VPS13B: variants seen among roughly 807,000 people sequenced by gnomAD.
The protein encoded by VPS13B is intermembrane lipid transfer protein VPS13B.
VPS13B carries 285 observed loss-of-function variants against 426.4 expected under a neutral mutation model. The ratio of observed to expected loss-of-function variants is 0.67; its 90% confidence interval spans 0.61 to 0.74. VPS13B has a LOEUF of 0.74. VPS13B is among the 30% of genes least tolerant of loss of function. VPS13B has a pLI of 0.00. For missense variants in VPS13B, 4,537 were observed against 4,782.6 expected, an observed-to-expected ratio of 0.95 and a Z score of 1.51; for synonymous variants, 1,676 against 1,676.4, an observed-to-expected ratio of 1.00 and a Z score of 0.01.
intron 18 of VPS13B, 139 bp downstream of exon 18, chr8:99,274,471 T>C (rs1818790695): frequency 7.3e-7 from 1 of 1,377,028 alleles, no homozygotes; most frequent in Non-Finnish European, 1.0e-6. Context: ...CTTAGAAATT[T>C]TTCTAATTGT....
chr8:99,401,981 C>A (rs1050716379), intron 21 of VPS13B, among the ~76,000 whole-genome samples: 1 of 152,152 alleles, frequency 6.6e-6, no homozygotes, highest in Non-Finnish European at 1.5e-5. Context: ...GCCAGGAACA[C>A]CCTATGGGTG....
Position 99,577,476 on chromosome 8 carries a change from C to G in VPS13B, c.5077-14C>G. On this transcript the variant is annotated splice_polypyrimidine_tract_variant and intron_variant, in intron 32 of 61. Transcript: ENST00000357162. ...TCATGTTTCTTTATCTGTATTCTAC[C>G]GTTTTTGCTTCAGGAGATTTTAGTG... 6.2e-7 allele frequency: 1 copy of G among 1,613,402 alleles called. No homozygotes were observed. The highest frequency in any genetic ancestry group is 1.1e-5 in the South Asian group (1 of 91,052).
At chr8:99,702,607 A>G (rs1213963883) in intron 36 of VPS13B, among the ~76,000 whole-genome samples, 2 of 152,156 alleles carry the variant, frequency 1.3e-5, no homozygotes, top group Admixed American at 6.6e-5. Context: ...GAGAGAACAC[A>G]CTTGGGGTTT....
chr8:99,596,318 A>G (rs1827010657), intron 33 of VPS13B, among the ~76,000 whole-genome samples: 2 of 152,038 alleles, frequency 1.3e-5, no homozygotes. Context: ...CCAGATGGAA[A>G]TGGACAAGTT....
At chr8:99,597,550 C>T (rs974699746) in intron 33 of VPS13B, among the ~76,000 whole-genome samples, 3 of 151,974 alleles carry the variant, frequency 2.0e-5, no homozygotes, top group African/African-American at 7.2e-5. Flanking sequence ...AAGTGTTCTA[C>T]AGATTTCTGG....
chr8:99,314,780 G>A (rs1821218834), intron 19 of VPS13B, among the ~76,000 whole-genome samples: 1 of 152,112 alleles, frequency 6.6e-6, no homozygotes, highest in Admixed American at 6.6e-5. Context: ...AATGATATTT[G>A]CTTTATATAT....
Position 99,819,905 on chromosome 8 carries a change from G to A in VPS13B, c.8793-16G>A, listed in dbSNP as rs1454120026. Reference sequence around the variant, plus strand: ...TCATATTTCATTGAGTCTCTTGGATGTGGTTTTTGGAACAGGAATGAACAG... The same window carrying A: ...TCATATTTCATTGAGTCTCTTGGATATGGTTTTTGGAACAGGAATGAACAG... On this transcript the variant is annotated splice_polypyrimidine_tract_variant and intron_variant, in intron 48 of 61. Coordinates refer to ENST00000357162, the MANE Select transcript of VPS13B (RefSeq NM_152564.5). 1.1e-5 allele frequency: 18 copies of A among 1,613,466 alleles called. No individual in the cohort carries two copies. Among genetic ancestry groups the A allele is most frequent in the Non-Finnish European group, 1.5e-5 (18 of 1,179,598 alleles).
rs908764227 is a variant in VPS13B, at chr8:99,594,781, G to C, written c.5220+17148G>C. 1.8e-4 allele frequency among the ~76,000 whole-genome samples: 27 copies of C among 151,936 alleles called. 1 individual carries two copies. The East Asian group carries it at 3.3e-3, about 19-fold the overall frequency. ...AGTGAGATGCTTCTGTAAGCACTGG[G>C]GTTTTTTTCAGGTGGCAGACTAACA... is the stretch of plus-strand genomic sequence containing the variant. On this transcript the variant is annotated intron_variant, in intron 33 of 61. Coordinates refer to ENST00000357162, the MANE Select transcript of VPS13B (RefSeq NM_152564.5).
intron 19 of VPS13B, among the ~76,000 whole-genome samples, chr8:99,335,712 C>T (rs1440684855): frequency 6.6e-6 from 1 of 152,086 alleles, no homozygotes; most frequent in Non-Finnish European, 1.5e-5. Context: ...CATTCTTATA[C>T]ACCAATAACA....
chr8:99,786,556 A>C (rs1812275699), intron 43 of VPS13B, among the ~76,000 whole-genome samples: 1 of 152,150 alleles, frequency 6.6e-6, no homozygotes, highest in African/African-American at 2.4e-5. Flanking sequence ...TTCTTAGTCC[A>C]AGTATGAACC....
At chr8:99,262,946 AT>A (rs564533994) in intron 17 of VPS13B, among the ~76,000 whole-genome samples, 1 of 150,730 alleles carries the variant, frequency 6.6e-6, no homozygotes, top group East Asian at 1.9e-4. Flanking sequence ...CTAATTTTTT[AT>A]TTTTTTTTGT....
At chr8:99,808,692 A>G (rs1162737763) in intron 43 of VPS13B, among the ~76,000 whole-genome samples, 5 of 151,726 alleles carry the variant, frequency 3.3e-5, no homozygotes, top group Admixed American at 2.0e-4. Context: ...GACATATATG[A>G]CCCCAAAACA....
intron 39 of VPS13B, among the ~76,000 whole-genome samples, chr8:99,752,841 A>G (rs1054760307): frequency 6.6e-6 from 1 of 152,208 alleles, no homozygotes; most frequent in Admixed American, 6.5e-5. Context: ...TTAGCTTTAA[A>G]ACAATCATGT....
chr8:99,048,549 T>C (rs965138791), intron 3 of VPS13B, among the ~76,000 whole-genome samples: 1 of 152,164 alleles, frequency 6.6e-6, no homozygotes, highest in Non-Finnish European at 1.5e-5. Flanking sequence ...GTGAGGTTGC[T>C]CATGCCTGTA....
chr8:99,125,517 C>G (rs894252732), intron 8 of VPS13B, among the ~76,000 whole-genome samples: 1 of 152,142 alleles, frequency 6.6e-6, no homozygotes, highest in Non-Finnish European at 1.5e-5. Context: ...TACTTTGCAG[C>G]CTTCAGTCCA....
At chr8:99,579,685 A>T (rs1024463844) in intron 33 of VPS13B, among the ~76,000 whole-genome samples, 3 of 149,944 alleles carry the variant, frequency 2.0e-5, no homozygotes, top group African/African-American at 7.4e-5. Flanking sequence ...GGCGTGAGCC[A>T]CCGCGCCTGG....
In VPS13B at chr8:99,513,386, A is replaced by G. The variant is rs560672208; in HGVS notation, c.4633+1874A>G. Among the ~76,000 whole-genome samples the G allele has an allele frequency of 2.0e-5, 3 of 152,206 alleles. No individual in the cohort carries two copies. In the South Asian group the frequency reaches 6.2e-4, roughly 32 times the overall value. On this transcript the variant is annotated intron_variant, in intron 29 of 61. Transcript: ENST00000357162. ...TCATTGAAACATAAGAAAAAATGTGATATTAGAGGTGAGAGGGTGGGATGA... is the reference window on the plus strand; with the variant it reads ...TCATTGAAACATAAGAAAAAATGTGGTATTAGAGGTGAGAGGGTGGGATGA...
intron 17 of VPS13B, among the ~76,000 whole-genome samples, chr8:99,230,905 C>G (rs1054114503): frequency 6.6e-6 from 1 of 152,226 alleles, no homozygotes; most frequent in Non-Finnish European, 1.5e-5. Context: ...GCAGCATTGT[C>G]ACTTCAGTGT....
At chr8:99,192,209 A>C (rs1813638943) in intron 16 of VPS13B, among the ~76,000 whole-genome samples, 1 of 152,186 alleles carries the variant, frequency 6.6e-6, no homozygotes, top group Non-Finnish European at 1.5e-5. Flanking sequence ...AAACCAAATG[A>C]ATAAGGGATC....
Sources: gnomAD v4.1 joint callset for allele counts (sites outside exome capture counted in the v4.1 genomes callset) on GRCh38, gnomAD v4.1.1 for gene constraint, MANE v1.5 for transcripts, NCBI Gene and HGNC (gene_info 2026-07-23, HGNC 2026-07-21) for gene names.